The following NTRK3 variants were observed in gnomAD, a reference collection of about 807,000 sequenced individuals.
NTRK3 encodes the protein NT-3 growth factor receptor.
In NTRK3, 24 loss-of-function variants were observed where a neutral mutation model predicts 91.7. That is an observed-to-expected ratio of 0.26 (90% CI 0.19 to 0.37). The LOEUF (loss-of-function observed/expected upper bound fraction) is 0.37, where lower values mean the gene tolerates loss of function less well. Among genes scored for constraint, NTRK3 ranks in the 10% least tolerant of loss-of-function variants. The pLI, the probability that NTRK3 is intolerant of heterozygous loss-of-function variation, is 1.00. For missense variants in NTRK3, 880 were observed against 1,068.9 expected (o/e 0.82, Z 2.46); for synonymous variants, 483 against 404.0 (o/e 1.20, Z -2.34).
At chr15:88,139,213 C>A (rs984665856) in intron 6 of NTRK3, among the ~76,000 whole-genome samples, 15 of 152,190 alleles carry the variant, frequency 9.9e-5, no homozygotes, top group Admixed American at 2.6e-4. Context: ...TGAAGCAAGT[C>A]ACCTCCCCTC....
chr15:88,253,001 A>G (rs1465359747), intron 3 of NTRK3: 1 of 152,196 alleles, frequency 6.6e-6, no homozygotes, highest in Non-Finnish European at 1.5e-5. Context: ...CCACAGGGAA[A>G]CCTCTTGTCC....
intron 13 of NTRK3, chr15:88,072,795 G>A (rs2047204820): frequency 4.3e-6 from 1 of 233,028 alleles, no homozygotes; most frequent in African/African-American, 2.2e-5. Context: ...AGCAAGAGAG[G>A]GAAAGCGGGC....
intron 17 of NTRK3, among the ~76,000 whole-genome samples, chr15:87,926,434 C>T (rs1387534947): frequency 6.6e-6 from 1 of 152,168 alleles, no homozygotes; most frequent in Non-Finnish European, 1.5e-5. Context: ...GGACCAAAAA[C>T]ATACATTTCG....
intron 8 of NTRK3, 103 bp downstream of exon 8, chr15:88,136,364 G>T (rs2041876902): frequency 3.4e-6 from 5 of 1,452,152 alleles, no homozygotes; most frequent in Non-Finnish European, 4.8e-6. Flanking sequence ...AAGTCTATGT[G>T]TTTTTTCCTA....
intron 14 of NTRK3, among the ~76,000 whole-genome samples, chr15:87,967,660 G>A (rs1225401106): frequency 6.6e-6 from 1 of 152,154 alleles, no homozygotes; most frequent in African/African-American, 2.4e-5. Flanking sequence ...TTCGTGCTGA[G>A]TCTCTTCAAT....
intron 3 of NTRK3, among the ~76,000 whole-genome samples, chr15:88,189,067 C>T (rs1279707931): frequency 6.6e-6 from 1 of 152,178 alleles, no homozygotes; most frequent in Non-Finnish European, 1.5e-5. Context: ...TACATGATGA[C>T]ATTGACCTCC....
At chr15:88,089,686 C>G (rs953086008) in intron 13 of NTRK3, among the ~76,000 whole-genome samples, 1 of 152,180 alleles carries the variant, frequency 6.6e-6, no homozygotes, top group African/African-American at 2.4e-5. Context: ...CTCCTTCCAG[C>G]CTTGACTCTG....
intron 13 of NTRK3, among the ~76,000 whole-genome samples, chr15:88,097,282 G>C (rs954821885): frequency 2.6e-5 from 4 of 152,148 alleles, no homozygotes; most frequent in Admixed American, 1.3e-4. Context: ...GAGAACAGTT[G>C]GGATATTATT....
At chr15:87,995,774 C>T (rs74457860) in intron 14 of NTRK3, among the ~76,000 whole-genome samples, 4,476 of 152,298 alleles carry the variant, frequency 0.029, 235 homozygotes, top group African/African-American at 0.1. Context: ...CATACGGTCT[C>T]TGTTGCAGCT....
At chr15:87,946,560 TC>T (rs2070521387) in intron 14 of NTRK3, among the ~76,000 whole-genome samples, 1 of 152,114 alleles carries the variant, frequency 6.6e-6, no homozygotes, top group South Asian at 2.1e-4. Context: ...CTTAAGAGGC[TC>T]AGAAGCAGTC....
intron 14 of NTRK3, among the ~76,000 whole-genome samples, chr15:88,005,679 C>A (rs911739266): frequency 6.6e-6 from 1 of 152,118 alleles, no homozygotes; most frequent in Admixed American, 6.5e-5. Context: ...GCCTAAGGGC[C>A]AGAGCACAGA....
At chr15:88,168,800 C>G (rs1029095140) in intron 5 of NTRK3, among the ~76,000 whole-genome samples, 3 of 152,204 alleles carry the variant, frequency 2.0e-5, no homozygotes, top group Non-Finnish European at 4.4e-5. Flanking sequence ...TGAGAGGCAC[C>G]AGCACAGTAT....
At chr15:88,146,517 T>A (rs1288093618) in intron 6 of NTRK3, among the ~76,000 whole-genome samples, 1 of 152,192 alleles carries the variant, frequency 6.6e-6, no homozygotes, top group Non-Finnish European at 1.5e-5. Flanking sequence ...ATTTATACCC[T>A]CAACATAATA....
exon 19 of NTRK3, chr15:87,869,594 G>T: frequency 4.7e-6 from 1 of 211,850 alleles, no homozygotes; most frequent in Non-Finnish European, 9.5e-6. Flanking sequence ...TAAGACTTTC[G>T]TGGAGTTTGA....
chr15:88,047,851 G>A (rs887691258), intron 13 of NTRK3, among the ~76,000 whole-genome samples: 1 of 152,142 alleles, frequency 6.6e-6, no homozygotes, highest in Non-Finnish European at 1.5e-5. Context: ...AGTAACTTAG[G>A]CCTCCTGTGT....
In NTRK3 at chr15:87,885,679, C is replaced by T. The variant is rs778018925; in HGVS notation, c.2134-5251G>A. The T allele has an allele frequency of 2.4e-5, 33 of 1,355,934 alleles. No homozygotes were observed. Among genetic ancestry groups the T allele is most frequent in the Middle Eastern group, 1.8e-4 (1 of 5,492 alleles). 84.0% of individuals were successfully genotyped at this position (1,355,934 alleles called of 1,614,324 possible). A position where few individuals can be genotyped will look rare whatever the true frequency, so the allele number is the denominator to read the frequency against. On this transcript the variant is annotated intron_variant, in intron 17 of 18. Coordinates refer to ENST00000394480, the Ensembl canonical transcript of NTRK3. ...AATGAACTATTCATTAAAAAAAATACGCTTAGATACCTACCTCACACCATA... is the reference window on the plus strand; with the variant it reads ...AATGAACTATTCATTAAAAAAAATATGCTTAGATACCTACCTCACACCATA...
chr15:88,134,859 C>G (rs2041722124), intron 10 of NTRK3, among the ~76,000 whole-genome samples: 1 of 152,180 alleles, frequency 6.6e-6, no homozygotes, highest in East Asian at 1.9e-4. Context: ...ACAGTGTGCC[C>G]TAACATGCAC....
chr15:87,977,572 G>C (rs1001615663), intron 14 of NTRK3: 4 of 230,898 alleles, frequency 1.7e-5, no homozygotes, highest in Admixed American at 1.1e-4. Flanking sequence ...ACTCCTTAAA[G>C]CCACACTTGG....
intron 13 of NTRK3, among the ~76,000 whole-genome samples, chr15:88,088,460 A>T (rs1304726193): frequency 6.6e-6 from 1 of 152,210 alleles, no homozygotes; most frequent in Non-Finnish European, 1.5e-5. Flanking sequence ...AACAAGGAGC[A>T]TGGGAATGGT....
Sources: gnomAD v4.1 joint callset for allele counts (sites outside exome capture counted in the v4.1 genomes callset) on GRCh38, gnomAD v4.1.1 for gene constraint, MANE v1.5 for transcripts, NCBI Gene and HGNC (gene_info 2026-07-23, HGNC 2026-07-21) for gene names.